GPSM2: variants seen among roughly 807,000 people sequenced by gnomAD.
GPSM2 encodes G protein signaling modulator 2, also known as G protein-signaling modulator 2.
A neutral mutation model predicts 78.4 loss-of-function variants in GPSM2; 58 were observed. That is an observed-to-expected ratio of 0.74 (90% CI 0.60 to 0.92). GPSM2 has a LOEUF of 0.92. GPSM2 is among the 40% of genes least tolerant of loss of function. The pLI, the probability that GPSM2 is intolerant of heterozygous loss-of-function variation, is 0.00. For synonymous variants in GPSM2, 224 were observed against 280.2 expected, an observed-to-expected ratio of 0.80 and a Z score of 2.00; for missense variants, 700 against 815.5, an observed-to-expected ratio of 0.86 and a Z score of 1.73.
chr1:108,908,767 C>A (rs540238101), intron 10 of GPSM2, among the ~76,000 whole-genome samples: 1 of 113,874 alleles, frequency 8.8e-6, no homozygotes, highest in African/African-American at 4.4e-5. Flanking sequence ...GCCTGTAATC[C>A]CAGCTCTTGG....
intron 10 of GPSM2, 31 bp downstream of exon 10, chr1:108,904,285 T>A: frequency 2.2e-6 from 3 of 1,365,148 alleles, no homozygotes; most frequent in Non-Finnish European, 3.1e-6. Flanking sequence ...AACCCAATTT[T>A]TTTATCCTCA....
intron 1 of GPSM2, among the ~76,000 whole-genome samples, chr1:108,884,857 G>A (rs1647406076): frequency 6.6e-6 from 1 of 152,156 alleles, no homozygotes; most frequent in African/African-American, 2.4e-5. Flanking sequence ...TATAACCGAA[G>A]TATCAGTGTG....
chr1:108,908,728 A>AAC (rs71591128), intron 10 of GPSM2, among the ~76,000 whole-genome samples: 11 of 148,466 alleles, frequency 7.4e-5, no homozygotes, highest in African/African-American at 2.6e-4. Context: ...TCAAAACACA[A>AAC]ACACACACAC....
intron 1 of GPSM2, among the ~76,000 whole-genome samples, chr1:108,881,516 C>T (rs1281339542): frequency 1.3e-5 from 2 of 152,182 alleles, no homozygotes; most frequent in Admixed American, 6.5e-5. Context: ...TAATGAGGAA[C>T]ATGAGTGAAC....
intron 7 of GPSM2, among the ~76,000 whole-genome samples, chr1:108,900,714 A>G (rs1648744688): frequency 6.6e-6 from 1 of 152,244 alleles, no homozygotes; most frequent in Non-Finnish European, 1.5e-5. Context: ...AGAAAGCATT[A>G]TGCCACAGGA....
intron 7 of GPSM2, among the ~76,000 whole-genome samples, chr1:108,899,842 C>T (rs569028545): frequency 6.6e-6 from 1 of 152,182 alleles, no homozygotes; most frequent in Admixed American, 6.5e-5. Context: ...TGTTTTAGGC[C>T]TATCTAAAAA....
chr1:108,897,086 GTAAT>G lies in GPSM2; in HGVS notation c.278+7_278+10del. ...ACCATCATGATTTAACCCTTGCAAG[GTAAT>G]TAATTTAAGCTTTTAAATATTCTTC... is the stretch of plus-strand genomic sequence containing the variant. On this transcript the variant is annotated splice_donor_variant and splice_donor_5th_base_variant and intron_variant, in intron 3 of 14. Transcript: ENST00000264126. LOFTEE classifies it high-confidence loss of function. The G allele has an allele frequency of 6.3e-7, 1 of 1,578,254 alleles. No homozygotes were observed. The highest frequency in any genetic ancestry group is 8.7e-7 in the Non-Finnish European group (1 of 1,148,616).
rs1652119764 is a variant in GPSM2, at chr1:108,932,251, G to GTGAC, written c.*2312_*2315dup. 1 of 152,236 alleles carries GTGAC rather than the reference G, an allele frequency of 6.6e-6. No individual in the cohort carries two copies. The highest frequency in any genetic ancestry group is 2.4e-5 in the African/African-American group (1 of 41,546). 9.4% of individuals were successfully genotyped at this position (152,236 alleles called of 1,614,324 possible). A position where few individuals can be genotyped will look rare whatever the true frequency, so the allele number is the denominator to read the frequency against. Reference sequence around the variant, plus strand: ...ATTGTACCACCTCACTCCAGCCTGGGTGACAGAGCAAAACTCTCAAAAAAA... The same window carrying GTGAC: ...ATTGTACCACCTCACTCCAGCCTGGGTGACTGACAGAGCAAAACTCTCAAAAAAA... On this transcript the variant is annotated 3_prime_UTR_variant, in exon 15 of 15. Transcript: ENST00000264126.
intron 12 of GPSM2, among the ~76,000 whole-genome samples, chr1:108,919,358 T>C (rs1159907564): frequency 1.3e-5 from 2 of 152,160 alleles, no homozygotes; most frequent in Non-Finnish European, 2.9e-5. Context: ...TACCAGTTAT[T>C]TCACTGCATT....
chr1:108,933,548 T>C lies in GPSM2; in HGVS notation c.*3608T>C, dbSNP rs928161078. 2.6e-5 allele frequency: 4 copies of C among 152,258 alleles called. No homozygotes were observed. Among genetic ancestry groups the C allele is most frequent in the African/African-American group, 9.6e-5 (4 of 41,474 alleles). The allele number at this position is 152,258 out of a possible 1,614,324, so 9.4% of individuals were successfully genotyped here. A position where few individuals can be genotyped will look rare whatever the true frequency, so the allele number is the denominator to read the frequency against. On this transcript the variant is annotated 3_prime_UTR_variant, in exon 15 of 15. Transcript: ENST00000264126. The stretch of plus-strand genomic sequence containing the variant: ...AAAGCAAGTGCTTGGGATACAAATA[T>C]CTGCATGAAAATTTAAAGACTTTAT...
intron 12 of GPSM2, 141 bp downstream of exon 12, chr1:108,918,930 ATCT>A: frequency 1.5e-6 from 1 of 663,472 alleles, no homozygotes; most frequent in Non-Finnish European, 2.7e-6. Flanking sequence ...TATCTTTTCT[ATCT>A]TCTTCAAAAT....
chr1:108,923,983 T>G lies in GPSM2; in HGVS notation c.1601-17T>G, dbSNP rs1220940031. 3.9e-6 allele frequency: 6 copies of G among 1,539,904 alleles called. No homozygotes were observed. Among genetic ancestry groups the G allele is most frequent in the Admixed American group, 1.7e-5 (1 of 59,896 alleles). ...TTTGTTTTTTTTTAATCTTTGGCTT[T>G]CTTCTTCTGTTCTTAGCATCATCTG... is the stretch of plus-strand genomic sequence containing the variant. On this transcript the variant is annotated splice_polypyrimidine_tract_variant and intron_variant, in intron 13 of 14. Transcript: ENST00000264126.
intron 8 of GPSM2, 129 bp downstream of exon 8, chr1:108,902,074 A>G: frequency 1.5e-6 from 1 of 687,784 alleles, no homozygotes. Context: ...TCTTTCAGTG[A>G]TATCCTCTGT....
chr1:108,931,341 T>TA lies in GPSM2; in HGVS notation c.*1403dup. ...TTGAAGGCAGTTTACAAGGGGATGA[T>TA]AACAAAGTAACTAACTAACTGTAGC... On this transcript the variant is annotated 3_prime_UTR_variant, in exon 15 of 15. Transcript: ENST00000264126. The TA allele has an allele frequency of 2.6e-6, 4 of 1,550,702 alleles. No individual in the cohort carries two copies. Among genetic ancestry groups the TA allele is most frequent in the Non-Finnish European group, 3.5e-6 (4 of 1,146,994 alleles).
At chr1:108,918,272 G>A (rs969375943) in intron 11 of GPSM2, among the ~76,000 whole-genome samples, 1 of 152,094 alleles carries the variant, frequency 6.6e-6, no homozygotes, top group Non-Finnish European at 1.5e-5. Flanking sequence ...AGTTGTAACA[G>A]ATTTTTAAGT....
In GPSM2 at chr1:108,897,947, G is replaced by A. The variant is rs754354981; in HGVS notation, c.415-12G>A. ...TTTTCAAAATGTAAACTTTGCTGAT[G>A]TCTTCATTTAGGTGGGAGAAGCAAG... On this transcript the variant is annotated splice_polypyrimidine_tract_variant and intron_variant, in intron 4 of 14. Transcript: ENST00000264126. The A allele has an allele frequency of 6.2e-7, 1 of 1,613,030 alleles. No individual in the cohort carries two copies. Among genetic ancestry groups the A allele is most frequent in the Non-Finnish European group, 8.5e-7 (1 of 1,179,054 alleles).
intron 10 of GPSM2, among the ~76,000 whole-genome samples, chr1:108,907,732 C>G (rs992575497): frequency 1.3e-4 from 20 of 152,078 alleles, no homozygotes; most frequent in African/African-American, 4.8e-4. Flanking sequence ...TGTAACAATT[C>G]TAGTAGTTAA....
At position 108,930,263 on chromosome 1, in the gene GPSM2, G is replaced by T; in HGVS notation, c.*323G>T. 8.7e-6 allele frequency: 2 copies of T among 230,182 alleles called. No individual in the cohort carries two copies. Among genetic ancestry groups the T allele is most frequent in the Non-Finnish European group, 1.7e-5 (2 of 118,180 alleles). The allele number at this position is 230,182 out of a possible 1,614,324, so 14.3% of individuals were successfully genotyped here. ...ATAGATTAGAATTTAATACTCTTATGGAAATAATTTTTTAACATCTTAATT... is the reference window on the plus strand; with the variant it reads ...ATAGATTAGAATTTAATACTCTTATTGAAATAATTTTTTAACATCTTAATT... On this transcript the variant is annotated 3_prime_UTR_variant, in exon 15 of 15. Transcript: ENST00000264126.
At chr1:108,895,569 G>T (rs901883271) in intron 2 of GPSM2, among the ~76,000 whole-genome samples, 47 of 152,180 alleles carry the variant, frequency 3.1e-4, no homozygotes, top group African/African-American at 1.1e-3. Flanking sequence ...TCTCATAGGA[G>T]TGCAAACCCT....
Sources: allele counts gnomAD v4.1 joint callset (sites outside exome capture counted in the v4.1 genomes callset), GRCh38; gene constraint gnomAD v4.1.1; transcripts MANE v1.5; gene names NCBI Gene and HGNC (gene_info 2026-07-23, HGNC 2026-07-21).